The following RMND5A variants were observed in gnomAD, a reference collection of about 807,000 sequenced individuals.
The protein encoded by RMND5A is E3 ubiquitin-protein transferase RMND5A.
A neutral mutation model predicts 49.7 loss-of-function variants in RMND5A; 17 were observed. The observed-to-expected ratio is 0.34, with a 90% CI of 0.23 to 0.51. The LOEUF (loss-of-function observed/expected upper bound fraction) is 0.51, where lower values mean the gene tolerates loss of function less well. RMND5A is among the 20% of genes least tolerant of loss of function. RMND5A has a pLI of 0.96. For missense variants in RMND5A, 255 were observed against 471.3 expected, an observed-to-expected ratio of 0.54 and a Z score of 4.25; for synonymous variants, 156 against 167.7, an observed-to-expected ratio of 0.93 and a Z score of 0.54.
intron 2 of RMND5A, among the ~76,000 whole-genome samples, chr2:86,751,475 C>A (rs1372086416): frequency 6.6e-6 from 1 of 152,160 alleles, no homozygotes; most frequent in Non-Finnish European, 1.5e-5. Context: ...CTCAATACTG[C>A]AGTTGTTGGG....
chr2:86,772,903 G>A (rs951958735), intron 8 of RMND5A, among the ~76,000 whole-genome samples: 2 of 152,092 alleles, frequency 1.3e-5, no homozygotes, highest in African/African-American at 2.4e-5. Flanking sequence ...AGTTCAGGCT[G>A]TACTGGTTTC....
intron 5 of RMND5A, 147 bp from the exon 6 acceptor site, chr2:86,765,712 A>G: frequency 1.6e-6 from 1 of 622,224 alleles, no homozygotes; most frequent in Non-Finnish European, 2.7e-6. Context: ...TTTAGGATGA[A>G]GGAAGAAACC....
intron 7 of RMND5A, among the ~76,000 whole-genome samples, chr2:86,770,537 T>C (rs374134942): frequency 1.3e-5 from 2 of 152,214 alleles, no homozygotes; most frequent in African/African-American, 2.4e-5. Context: ...CATTTGCCAA[T>C]AGAATAAGTA....
intron 4 of RMND5A, among the ~76,000 whole-genome samples, chr2:86,758,765 A>G (rs890563636): frequency 3.3e-5 from 5 of 152,254 alleles, no homozygotes; most frequent in African/African-American, 1.2e-4. Context: ...AAAAATTACC[A>G]TTTGAAAATA....
At chr2:86,773,132 A>T (rs1255033347) in intron 8 of RMND5A, among the ~76,000 whole-genome samples, 12 of 152,232 alleles carry the variant, frequency 7.9e-5, no homozygotes, top group Admixed American at 7.9e-4. Context: ...ACAATTTAGG[A>T]TCTGGCATGG....
rs777968554 is a variant in RMND5A at position 86,720,698 on chromosome 2, C to T, written c.31C>T (p.Leu11=). The change falls in exon 1 of 9, where the codon CTG becomes TTG. Residue 11 remains leucine, a synonymous_variant. Coordinates refer to ENST00000283632, the MANE Select transcript of RMND5A (RefSeq NM_022780.4). ...TCAGTGCGTGACGGTGGAGCGCGAG[C>T]TGGAGAAGGTGCTGCACAAGTTCTC... is the stretch of plus-strand genomic sequence containing the variant. MDQCVTVERE[L]EKVLHKFSGY... is the part of the protein sequence containing the mutation. The T allele has an allele frequency of 5.3e-5, 84 of 1,574,244 alleles. 1 individual carries two copies. The highest frequency in any genetic ancestry group is 6.8e-5 in the Non-Finnish European group (79 of 1,162,316).
intron 7 of RMND5A, among the ~76,000 whole-genome samples, chr2:86,770,565 G>C (rs192241541): frequency 1.3e-5 from 2 of 152,188 alleles, no homozygotes; most frequent in East Asian, 3.9e-4. Context: ...CTTAAAGGTC[G>C]TAACACCTGC....
At chr2:86,769,456 T>C (rs946851321) in intron 6 of RMND5A, among the ~76,000 whole-genome samples, 3 of 152,344 alleles carry the variant, frequency 2.0e-5, no homozygotes, top group African/African-American at 7.2e-5. Context: ...ATGTCTTGTA[T>C]ATTGCTGAGT....
Position 86,773,635 on chromosome 2 carries a change from A to G in RMND5A, c.*224A>G, listed in dbSNP as rs1672717476. 1 of 362,722 alleles carries G rather than the reference A, an allele frequency of 2.8e-6. No individual in the cohort carries two copies. 22.5% of individuals were successfully genotyped at this position (362,722 alleles called of 1,614,324 possible). The stretch of plus-strand genomic sequence containing the variant: ...TCTTGGTCTTCATTTCTGATCAAGT[A>G]AATACACCAGCAGTTGTCATTCAAT... On this transcript the variant is annotated 3_prime_UTR_variant, in exon 9 of 9. Coordinates refer to ENST00000283632, the MANE Select transcript of RMND5A (RefSeq NM_022780.4).
intron 7 of RMND5A, 101 bp downstream of exon 7, chr2:86,770,226 C>T: frequency 1.2e-6 from 1 of 864,402 alleles, no homozygotes; most frequent in South Asian, 1.4e-5. Context: ...ACATTGTAGC[C>T]ATTTGACAGG....
chr2:86,723,707 TA>T (rs1429529372), intron 1 of RMND5A, among the ~76,000 whole-genome samples: 1 of 111,616 alleles, frequency 9.0e-6, no homozygotes, highest in Non-Finnish European at 1.9e-5. Context: ...AGCTATATAC[TA>T]AATGAGCTGT....
rs1353940059 is a variant in RMND5A, at chr2:86,775,972, A to G, written c.*2561A>G. ...TTGTCTCTCTTTGCCTCCACTTTAC[A>G]AAAGATAATATGATAGAGGCAACGT... On this transcript the variant is annotated 3_prime_UTR_variant, in exon 9 of 9. Coordinates refer to ENST00000283632, the MANE Select transcript of RMND5A (RefSeq NM_022780.4). The G allele has an allele frequency of 6.6e-6, 1 of 152,210 alleles. No homozygotes were observed. The highest frequency in any genetic ancestry group is 1.5e-5 in the Non-Finnish European group (1 of 68,042). 9.4% of individuals were successfully genotyped at this position (152,210 alleles called of 1,614,324 possible).
intron 4 of RMND5A, among the ~76,000 whole-genome samples, chr2:86,757,947 A>C (rs1681771767): frequency 6.6e-6 from 1 of 152,192 alleles, no homozygotes; most frequent in South Asian, 2.1e-4. Flanking sequence ...TTGGAACAAG[A>C]GGAGATTGTT....
At chr2:86,747,605 A>G (rs567503720) in intron 2 of RMND5A, among the ~76,000 whole-genome samples, 4 of 152,194 alleles carry the variant, frequency 2.6e-5, no homozygotes, top group African/African-American at 9.7e-5. Flanking sequence ...TTTTTCTTCA[A>G]AGTAGATGGA....
intron 2 of RMND5A, among the ~76,000 whole-genome samples, chr2:86,743,678 G>A (rs1041825319): frequency 1.3e-5 from 2 of 152,000 alleles, no homozygotes; most frequent in African/African-American, 2.4e-5. Flanking sequence ...CTTCTCATTC[G>A]TCATATGAAA....
chr2:86,760,965 A>AGTGTGTGTGTGT (rs35942120), intron 4 of RMND5A, among the ~76,000 whole-genome samples: 156 of 145,436 alleles, frequency 1.1e-3, no homozygotes, highest in African/African-American at 3.1e-3. Flanking sequence ...GAGAGAGAGA[A>AGTGTGTGTGTGT]GTGTGTGTGT....
At chr2:86,750,379 G>C (rs1681613000) in intron 2 of RMND5A, among the ~76,000 whole-genome samples, 1 of 152,192 alleles carries the variant, frequency 6.6e-6, no homozygotes, top group South Asian at 2.1e-4. Flanking sequence ...ACTGGATATA[G>C]AATTCTAGGA....
intron 3 of RMND5A, 48 bp from the exon 4 acceptor site, chr2:86,753,410 T>TA: frequency 1.8e-6 from 2 of 1,122,200 alleles, no homozygotes; most frequent in South Asian, 2.6e-5. Flanking sequence ...ACTAGCTCCT[T>TA]ACCCTGATTA....
chr2:86,761,878 G>A (rs985513008), intron 4 of RMND5A, among the ~76,000 whole-genome samples: 1 of 152,022 alleles, frequency 6.6e-6, no homozygotes, highest in Non-Finnish European at 1.5e-5. Context: ...TTGAAACTGT[G>A]CAAACATAAA....
Sources: allele counts gnomAD v4.1 joint callset (sites outside exome capture counted in the v4.1 genomes callset), GRCh38; gene constraint gnomAD v4.1.1; transcripts MANE v1.5; gene names NCBI Gene and HGNC (gene_info 2026-07-23, HGNC 2026-07-21).